Variants in CLVS1 observed in about 807,000 individuals in gnomAD.
CLVS1 encodes the protein clavesin-1.
In CLVS1, 10 loss-of-function variants were observed where a neutral mutation model predicts 33.1. The ratio of observed to expected loss-of-function variants is 0.30; its 90% CI spans 0.19 to 0.51. CLVS1 has a LOEUF of 0.51. Ranked by LOEUF, CLVS1 falls within the 20% of genes least tolerant of loss-of-function variation. CLVS1 has a pLI of 0.97. For synonymous variants in CLVS1, 163 were observed against 166.1 expected (o/e 0.98, Z 0.14); for missense variants, 343 against 433.4 (o/e 0.79, Z 1.85).
intron 2 of CLVS1, among the ~76,000 whole-genome samples, chr8:61,184,219 C>T (rs554453080): frequency 8.1e-4 from 124 of 152,214 alleles, no homozygotes; most frequent in African/African-American, 2.7e-3. Flanking sequence ...ACCTCTTCCT[C>T]GCATGGAGAG....
chr8:61,260,870 TG>T (rs1809189077), intron 2 of CLVS1, among the ~76,000 whole-genome samples: 1 of 152,166 alleles, frequency 6.6e-6, no homozygotes, highest in African/African-American at 2.4e-5. Flanking sequence ...GTTGTAATGG[TG>T]TTCAGAATGC....
At chr8:61,063,762 A>C (rs958253510) in intron 1 of CLVS1, among the ~76,000 whole-genome samples, 1 of 152,176 alleles carries the variant, frequency 6.6e-6, no homozygotes, top group Non-Finnish European at 1.5e-5. Context: ...TAACCATTTG[A>C]AGTCTATAAC....
intron 2 of CLVS1, among the ~76,000 whole-genome samples, chr8:61,270,007 C>T (rs1585736937): frequency 6.6e-6 from 1 of 150,474 alleles, no homozygotes; most frequent in Admixed American, 6.6e-5. Flanking sequence ...CCCTTTATTT[C>T]CTTCTCCTGC....
chr8:61,202,389 GC>G, intron 2 of CLVS1: 1 of 756,994 alleles, frequency 1.3e-6, no homozygotes. Context: ...GCTCCCTGAG[GC>G]CCCAGAACTA....
At chr8:61,167,552 A>C (rs1192542454) in intron 2 of CLVS1, among the ~76,000 whole-genome samples, 1 of 152,170 alleles carries the variant, frequency 6.6e-6, no homozygotes, top group Admixed American at 6.5e-5. Flanking sequence ...GTGGATAAAA[A>C]TTACTGTGAG....
chr8:61,217,523 C>T (rs920522558), intron 2 of CLVS1, among the ~76,000 whole-genome samples: 1 of 152,146 alleles, frequency 6.6e-6, no homozygotes, highest in South Asian at 2.1e-4. Context: ...CAGTTCAACA[C>T]ACTTCAATTA....
chr8:61,200,182 G>A (rs982027400), intron 2 of CLVS1, among the ~76,000 whole-genome samples: 7 of 152,078 alleles, frequency 4.6e-5, no homozygotes, highest in Non-Finnish European at 8.8e-5. Context: ...GCAGTGGTGC[G>A]ATCTCGGCTC....
the CLVS1 span, among the ~76,000 whole-genome samples, chr8:61,038,568 G>A: frequency 1.3e-5 from 2 of 151,880 alleles, no homozygotes; most frequent in South Asian, 2.1e-4. Flanking sequence ...TTTATATTGT[G>A]GAATGGATTG....
At chr8:61,478,723 G>T (rs1818060514) in intron 5 of CLVS1, among the ~76,000 whole-genome samples, 2 of 152,260 alleles carry the variant, frequency 1.3e-5, no homozygotes, top group South Asian at 4.1e-4. Flanking sequence ...CTGCATGTGA[G>T]ATGGGTCTCC....
chr8:61,240,723 C>A (rs1188364620), intron 2 of CLVS1, among the ~76,000 whole-genome samples: 1 of 151,756 alleles, frequency 6.6e-6, no homozygotes, highest in Non-Finnish European at 1.5e-5. Flanking sequence ...CAAATACTAA[C>A]ACTTTTATTA....
the CLVS1 span, among the ~76,000 whole-genome samples, chr8:61,046,198 T>C: frequency 4.1e-5 from 6 of 147,262 alleles, no homozygotes; most frequent in South Asian, 1.3e-3. Flanking sequence ...GTTTCAGCTT[T>C]CTACATATGG....
intron 1 of CLVS1, among the ~76,000 whole-genome samples, chr8:61,296,245 C>G (rs1273378130): frequency 6.6e-6 from 1 of 152,160 alleles, no homozygotes; most frequent in Non-Finnish European, 1.5e-5. Flanking sequence ...CTTAAGCATT[C>G]TCCCCAGAAG....
At chr8:61,477,521 T>G (rs139905938) in intron 5 of CLVS1, among the ~76,000 whole-genome samples, 2 of 152,208 alleles carry the variant, frequency 1.3e-5, no homozygotes, top group South Asian at 4.1e-4. Context: ...CCTGGTTTAG[T>G]CTTGGGAGGG....
At chr8:61,010,134 G>A in the CLVS1 span, among the ~76,000 whole-genome samples, 2 of 152,276 alleles carry the variant, frequency 1.3e-5, no homozygotes, top group East Asian at 1.9e-4. Context: ...GGCCCCAAAT[G>A]TTGCCTACTC....
At chr8:61,197,608 C>A (rs1218423532) in intron 2 of CLVS1, among the ~76,000 whole-genome samples, 1 of 152,138 alleles carries the variant, frequency 6.6e-6, no homozygotes. Context: ...CAACCTCCAC[C>A]TCCTGGGTTC....
intron 3 of CLVS1, among the ~76,000 whole-genome samples, chr8:61,384,457 A>G (rs1176936449): frequency 6.6e-6 from 1 of 152,210 alleles, no homozygotes; most frequent in Non-Finnish European, 1.5e-5. Context: ...AAGGGATTCA[A>G]TAACCACATA....
At chr8:61,023,324 A>G in the CLVS1 span, among the ~76,000 whole-genome samples, 1 of 152,174 alleles carries the variant, frequency 6.6e-6, no homozygotes, top group East Asian at 1.9e-4. Flanking sequence ...CTTTCTCCCA[A>G]TGTGTAATTA....
the CLVS1 span, among the ~76,000 whole-genome samples, chr8:61,037,360 C>T: frequency 2.0e-5 from 3 of 152,122 alleles, no homozygotes; most frequent in Admixed American, 6.5e-5. Context: ...CTCCAGGTAC[C>T]TGGAATCAGT....
intron 3 of CLVS1, among the ~76,000 whole-genome samples, chr8:61,411,980 G>A (rs1232675270): frequency 3.3e-5 from 5 of 152,178 alleles, no homozygotes; most frequent in South Asian, 4.1e-4. Flanking sequence ...GCTGGAAACC[G>A]GGAAAAAGGC....
Sources: gnomAD v4.1 joint callset for allele counts (sites outside exome capture counted in the v4.1 genomes callset) on GRCh38, gnomAD v4.1.1 for gene constraint, MANE v1.5 for transcripts, NCBI Gene and HGNC (gene_info 2026-07-23, HGNC 2026-07-21) for gene names.